Variants in MGMT observed in about 807,000 individuals in gnomAD.
The protein encoded by MGMT is O-6-methylguanine-DNA methyltransferase, also known as methylated-DNA--protein-cysteine methyltransferase.
A neutral mutation model predicts 15.9 loss-of-function variants in MGMT; 14 were observed. The ratio of observed to expected loss-of-function variants is 0.88; its 90% CI spans 0.58 to 1.37. The LOEUF (loss-of-function observed/expected upper bound fraction) is 1.37, where lower values mean the gene tolerates loss of function less well. MGMT is among the 40% of genes most tolerant of loss of function. The pLI is 0.00. For missense variants in MGMT, 282 were observed against 268.1 expected (o/e 1.05, Z -0.36); for synonymous variants, 130 against 118.2 (o/e 1.10, Z -0.65).
At chr10:129,506,709 T>C (rs1845629173) in intron 1 of MGMT, among the ~76,000 whole-genome samples, 1 of 152,166 alleles carries the variant, frequency 6.6e-6, no homozygotes, top group Non-Finnish European at 1.5e-5. Context: ...ACTTGCCATT[T>C]GTACAACTCC....
At chr10:129,662,484 A>G (rs1292775378) in intron 2 of MGMT, among the ~76,000 whole-genome samples, 1 of 152,180 alleles carries the variant, frequency 6.6e-6, no homozygotes, top group African/African-American at 2.4e-5. Context: ...ACTAGAATAA[A>G]AACACTTTAC....
intron 2 of MGMT, among the ~76,000 whole-genome samples, chr10:129,678,724 C>T (rs981787918): frequency 9.9e-5 from 15 of 152,150 alleles, no homozygotes; most frequent in Middle Eastern, 3.2e-3. Flanking sequence ...CACTATGCTA[C>T]GTGTGCACCG....
chr10:129,574,546 G>C (rs1447878297), intron 2 of MGMT, among the ~76,000 whole-genome samples: 1 of 152,126 alleles, frequency 6.6e-6, no homozygotes, highest in African/African-American at 2.4e-5. Flanking sequence ...TCCTAGCTTG[G>C]GGTAAAAGGC....
In MGMT at chr10:129,734,234, A is replaced by C. The variant is rs113958532; in HGVS notation, c.275-24968A>C. ...ATTTGTTTGTATCCTCTTTTATTTC[A>C]TTGAGCAGTGGTTTGTAGTTCTCCT... is the stretch of plus-strand genomic sequence containing the variant. On this transcript the variant is annotated intron_variant, in intron 3 of 4. Coordinates refer to ENST00000651593, the MANE Select transcript of MGMT (RefSeq NM_002412.5). Among the ~76,000 whole-genome samples, 579 of 141,874 alleles carry C rather than the reference A, an allele frequency of 4.1e-3. 10 individuals carry two copies. The highest frequency in any genetic ancestry group is 0.022 in the South Asian group (92 of 4,270). 93.1% of individuals were successfully genotyped at this position (141,874 alleles called of 152,430 possible).
chr10:129,767,237 G>C lies in MGMT; in HGVS notation c.*240G>C, dbSNP rs927794434. 2.5e-6 allele frequency: 1 copy of C among 406,482 alleles called. No individual in the cohort carries two copies. Among genetic ancestry groups the C allele is most frequent in the Non-Finnish European group, 4.4e-6 (1 of 225,488 alleles). 25.2% of individuals were successfully genotyped at this position (406,482 alleles called of 1,614,324 possible). A position where few individuals can be genotyped will look rare whatever the true frequency, so the allele number is the denominator to read the frequency against. ...TTTCATGTCCATTAAAACAGGCCAA[G>C]TGAGTGTGGAAGGCCTGGCTCATGT... On this transcript the variant is annotated 3_prime_UTR_variant, in exon 5 of 5. Coordinates refer to ENST00000651593, the MANE Select transcript of MGMT (RefSeq NM_002412.5).
At chr10:129,730,226 T>G (rs1848480659) in intron 3 of MGMT, among the ~76,000 whole-genome samples, 1 of 152,112 alleles carries the variant, frequency 6.6e-6, no homozygotes, top group Non-Finnish European at 1.5e-5. Context: ...GAGCATGAAA[T>G]GGCGTGGAGC....
rs1281752208 is a variant in MGMT at position 129,504,009 on chromosome 10, G to C, written c.-12-32232G>C. Among the ~76,000 whole-genome samples the C allele has an allele frequency of 2.6e-5, 4 of 152,108 alleles. No individual in the cohort carries two copies. The East Asian group carries it at 7.7e-4, about 29-fold the overall frequency. On this transcript the variant is annotated intron_variant, in intron 1 of 4. Coordinates refer to ENST00000651593, the MANE Select transcript of MGMT (RefSeq NM_002412.5). ...ATGGTTTCAACAGTATCAGATCAGGGTTCCATGTCTGATACCCATAGTTCG... is the reference window on the plus strand; with the variant it reads ...ATGGTTTCAACAGTATCAGATCAGGCTTCCATGTCTGATACCCATAGTTCG...
rs576405197 is a variant in MGMT at position 129,769,662 on chromosome 10, C to T, written c.*2665C>T. On this transcript the variant is annotated 3_prime_UTR_variant, in exon 5 of 5. Coordinates refer to ENST00000651593, the MANE Select transcript of MGMT (RefSeq NM_002412.5). Reference sequence around the variant, plus strand: ...TTGTGGCAAAATAAGTTGCCTTTGGCCACGCAGGAGACTGAGTTTTGTGAG... The same window carrying T: ...TTGTGGCAAAATAAGTTGCCTTTGGTCACGCAGGAGACTGAGTTTTGTGAG... 7.2e-5 allele frequency among the ~76,000 whole-genome samples: 11 copies of T among 152,282 alleles called. No individual in the cohort carries two copies. The East Asian group carries it at 1.9e-3, about 27-fold the overall frequency.
intron 1 of MGMT, among the ~76,000 whole-genome samples, chr10:129,518,148 G>A (rs990818268): frequency 3.9e-5 from 6 of 151,962 alleles, no homozygotes; most frequent in African/African-American, 1.5e-4. Flanking sequence ...ACCGTGTCCA[G>A]CATTGGTGTC....
chr10:129,621,680 A>G (rs1206522785), intron 2 of MGMT, among the ~76,000 whole-genome samples: 1 of 152,224 alleles, frequency 6.6e-6, no homozygotes, highest in Non-Finnish European at 1.5e-5. Flanking sequence ...CTTTGGAAGT[A>G]TGATGCTCCA....
intron 3 of MGMT, among the ~76,000 whole-genome samples, chr10:129,725,971 A>G (rs1296003651): frequency 6.6e-6 from 1 of 151,898 alleles, no homozygotes; most frequent in Non-Finnish European, 1.5e-5. Context: ...CACCAATACC[A>G]TGTTGCGTTA....
chr10:129,713,537 A>G (rs1466536179), intron 3 of MGMT, among the ~76,000 whole-genome samples: 1 of 152,174 alleles, frequency 6.6e-6, no homozygotes, highest in African/African-American at 2.4e-5. Context: ...GATGTCTGGA[A>G]TGAGTACCGG....
chr10:129,635,748 T>C (rs2133085914), intron 2 of MGMT, among the ~76,000 whole-genome samples: 1 of 152,366 alleles, frequency 6.6e-6, no homozygotes. Flanking sequence ...TGGTCACCTA[T>C]GTCTGTTAGC....
intron 2 of MGMT, among the ~76,000 whole-genome samples, chr10:129,640,617 T>C (rs1847317487): frequency 1.3e-5 from 2 of 152,184 alleles, no homozygotes; most frequent in Admixed American, 6.5e-5. Context: ...TCCAACTCTT[T>C]TTATGATGGC....
rs982332924 is a variant in MGMT at position 129,767,232 on chromosome 10, G to A, written c.*235G>A. On this transcript the variant is annotated 3_prime_UTR_variant, in exon 5 of 5. Transcript: ENST00000651593. Reference sequence around the variant, plus strand: ...CTATTTTTCATGTCCATTAAAACAGGCCAAGTGAGTGTGGAAGGCCTGGCT... The same window carrying A: ...CTATTTTTCATGTCCATTAAAACAGACCAAGTGAGTGTGGAAGGCCTGGCT... 2.4e-6 allele frequency: 1 copy of A among 418,080 alleles called. No homozygotes were observed. The highest frequency in any genetic ancestry group is 4.3e-5 in the Admixed American group (1 of 23,116). The allele number at this position is 418,080 out of a possible 1,614,324, so 25.9% of individuals were successfully genotyped here. A position where few individuals can be genotyped will look rare whatever the true frequency, so the allele number is the denominator to read the frequency against.
At chr10:129,530,753 C>T (rs1002187535) in intron 1 of MGMT, among the ~76,000 whole-genome samples, 3 of 152,238 alleles carry the variant, frequency 2.0e-5, no homozygotes, top group South Asian at 2.1e-4. Context: ...CCTCAGGGCC[C>T]GAGGGTGGCT....
intron 2 of MGMT, among the ~76,000 whole-genome samples, chr10:129,631,254 A>G (rs1442456694): frequency 1.3e-5 from 2 of 152,152 alleles, no homozygotes; most frequent in Non-Finnish European, 2.9e-5. Context: ...CGTTAAGGGT[A>G]GAAAATAGAG....
At chr10:129,477,525 A>G (rs867590376) in intron 1 of MGMT, among the ~76,000 whole-genome samples, 3 of 152,156 alleles carry the variant, frequency 2.0e-5, no homozygotes, top group Middle Eastern at 3.4e-3. Context: ...GTGGGATCCT[A>G]CTCTGCTAGG....
intron 2 of MGMT, among the ~76,000 whole-genome samples, chr10:129,573,948 T>A (rs1213980502): frequency 6.6e-6 from 1 of 152,218 alleles, no homozygotes; most frequent in Admixed American, 6.5e-5. Context: ...CTAAGACATT[T>A]TAAAGAAGGC....
Sources: gnomAD v4.1 joint callset for allele counts (sites outside exome capture counted in the v4.1 genomes callset) on GRCh38, gnomAD v4.1.1 for gene constraint, MANE v1.5 for transcripts, NCBI Gene and HGNC (gene_info 2026-07-23, HGNC 2026-07-21) for gene names.